Variants in WSCD1 observed in about 807,000 individuals in gnomAD.
WSCD1 encodes WSC domain sialate O sulfotransferase 1.
In WSCD1, 41 loss-of-function variants were observed where a neutral mutation model predicts 60.4. The observed-to-expected ratio is 0.68, with a 90% CI of 0.53 to 0.88. The LOEUF is 0.88. Among genes scored for constraint, WSCD1 ranks in the 40% least tolerant of loss-of-function variants. The pLI, the probability that WSCD1 is intolerant of heterozygous loss-of-function variation, is 0.00. For missense variants in WSCD1, 784 were observed against 796.2 expected (o/e 0.98, Z 0.18); for synonymous variants, 361 against 332.5 (o/e 1.09, Z -0.93).
At chr17:6,071,421 A>G (rs1238018666) in intron 1 of WSCD1, among the ~76,000 whole-genome samples, 2 of 152,078 alleles carry the variant, frequency 1.3e-5, no homozygotes, top group African/African-American at 4.8e-5. Flanking sequence ...CCTTCCGCTG[A>G]GCAGTGGGAA....
Position 6,123,481 on chromosome 17 carries a change from G to T in WSCD1, c.*2820G>T, listed in dbSNP as rs959672930. On this transcript the variant is annotated 3_prime_UTR_variant, in exon 9 of 9. Transcript: ENST00000317744. The stretch of plus-strand genomic sequence containing the variant: ...TGAACATCTTATAATGAAGTCTCTT[G>T]CAGCTAAAATTAGATTTTGAGTGCA... 6.6e-4 allele frequency: 100 copies of T among 152,328 alleles called. No individual in the cohort carries two copies. The highest frequency in any genetic ancestry group is 2.4e-3 in the African/African-American group (99 of 41,578). The allele number at this position is 152,328 out of a possible 1,614,324, so 9.4% of individuals were successfully genotyped here.
intron 2 of WSCD1, among the ~76,000 whole-genome samples, chr17:6,085,460 T>A (rs765648432): frequency 4.7e-4 from 71 of 152,334 alleles, no homozygotes; most frequent in Non-Finnish European, 5.9e-5. Context: ...CTCATGGAAT[T>A]GGAACCGTAT....
upstream of WSCD1, chr17:6,069,435 GA>G (rs1391407221): frequency 5.0e-4 from 59 of 117,172 alleles, no homozygotes; most frequent in African/African-American, 3.2e-3. Flanking sequence ...GTGTGAGAGA[GA>G]GAGAGAGAGA....
At chr17:6,102,843 T>G (rs1210736868) in intron 5 of WSCD1, among the ~76,000 whole-genome samples, 1 of 152,218 alleles carries the variant, frequency 6.6e-6, no homozygotes, top group African/African-American at 2.4e-5. Flanking sequence ...TTTTCCTTAT[T>G]GCTGTTATAA....
rs892821266 is a variant in WSCD1 at position 6,109,520 on chromosome 17, C to T, written c.850-87C>T. The T allele has an allele frequency of 2.4e-5, 37 of 1,523,486 alleles. 1 individual carries two copies. The highest frequency in any genetic ancestry group is 2.0e-4 in the East Asian group (9 of 43,948). 94.4% of individuals were successfully genotyped at this position (1,523,486 alleles called of 1,614,324 possible). ...CATACAGATACAGCTGGCAATACAT[C>T]GTCCATGTTCATCCCATTCCTGAGC... On this transcript the variant is annotated intron_variant, in intron 5 of 8. Coordinates refer to ENST00000317744, the MANE Select transcript of WSCD1 (RefSeq NM_015253.2).
Position 6,120,413 on chromosome 17 carries a change from C to T in WSCD1, c.1480C>T (p.Arg494Trp), listed in dbSNP as rs779121671. ...GCTGGTGGTGCACTACGAGGAGCTG[C>T]GGCGCAGCCTGGTGCCCACGTTACG... ...RLLVVHYEEL[R>W]RSLVPTLREM... The change falls in exon 9 of 9, where the codon CGG (arginine) becomes TGG (tryptophan). Residue 494 changes from arginine (R) to tryptophan (W), a missense_variant. Coordinates refer to ENST00000317744, the MANE Select transcript of WSCD1 (RefSeq NM_015253.2). 112 of 1,613,944 alleles carry T rather than the reference C, an allele frequency of 6.9e-5. No individual in the cohort carries two copies. The South Asian group carries it at 8.2e-4, about 12-fold the overall frequency.
intron 5 of WSCD1, among the ~76,000 whole-genome samples, chr17:6,108,909 T>C (rs896553028): frequency 6.6e-6 from 1 of 152,186 alleles, no homozygotes; most frequent in African/African-American, 2.4e-5. Flanking sequence ...TGAAGAATCC[T>C]CCTTGGGCTG....
chr17:6,097,536 CG>C (rs1910521274), intron 5 of WSCD1, among the ~76,000 whole-genome samples: 1 of 152,234 alleles, frequency 6.6e-6, no homozygotes, highest in Admixed American at 6.5e-5. Context: ...GATTGTCTCA[CG>C]TCGCGACACA....
chr17:6,087,595 G>A (rs550484277), intron 2 of WSCD1, among the ~76,000 whole-genome samples: 2 of 152,188 alleles, frequency 1.3e-5, no homozygotes, highest in Non-Finnish European at 2.9e-5. Context: ...GTCTCTCAGG[G>A]CATTTGCCAA....
intron 5 of WSCD1, among the ~76,000 whole-genome samples, chr17:6,099,489 T>G (rs1490938405): frequency 6.6e-6 from 1 of 151,364 alleles, no homozygotes; most frequent in Non-Finnish European, 1.5e-5. Context: ...CGCTCCAGCC[T>G]GGGCGACAGA....
At chr17:6,116,400 TCA>T (rs33955613) in intron 7 of WSCD1, among the ~76,000 whole-genome samples, 49,256 of 150,344 alleles carry the variant, frequency 0.33, 8,208 homozygotes, top group Non-Finnish European at 0.36. Flanking sequence ...GACAGAGTGA[TCA>T]CACACACACA....
intron 4 of WSCD1, among the ~76,000 whole-genome samples, chr17:6,092,764 G>A (rs955941720): frequency 2.0e-5 from 3 of 152,316 alleles, no homozygotes; most frequent in Non-Finnish European, 2.9e-5. Context: ...AAAGGCAGTT[G>A]TTTTGCTTTA....
In WSCD1 at chr17:6,120,943, C is replaced by T. The variant is rs1426218849; in HGVS notation, c.*282C>T. 1.1e-5 allele frequency: 5 copies of T among 469,248 alleles called. No individual in the cohort carries two copies. The highest frequency in any genetic ancestry group is 5.8e-5 in the African/African-American group (3 of 51,438). The allele number at this position is 469,248 out of a possible 1,614,324, so 29.1% of individuals were successfully genotyped here. ...CGTCTTGATGCAGAGAAGCCACCCA[C>T]GTGGGGTGTGCCAGGCACCCCCAGA... On this transcript the variant is annotated 3_prime_UTR_variant, in exon 9 of 9. Transcript: ENST00000317744.
chr17:6,091,638 C>G (rs779342318), intron 4 of WSCD1, among the ~76,000 whole-genome samples: 4 of 152,214 alleles, frequency 2.6e-5, no homozygotes, highest in Admixed American at 2.6e-4. Context: ...GGGCTGTGCA[C>G]TGTTGCACAT....
chr17:6,087,901 C>A, intron 2 of WSCD1, 89 bp from the exon 3 acceptor site: 2 of 1,082,792 alleles, frequency 1.8e-6, no homozygotes, highest in Non-Finnish European at 2.8e-6. Context: ...GTGGCCTTGG[C>A]CAGGAAGGCA....
chr17:6,110,674 G>T lies in WSCD1; in HGVS notation c.1010-97G>T. On this transcript the variant is annotated intron_variant, in intron 6 of 8. Transcript: ENST00000317744. This position sits in a 1 kb window ranked among gnomAD's most constrained non-coding sequence, Gnocchi z 4.8. ...CCTTGGTTCCCCCATCTATTAAATG[G>T]GAGTCTTCGTTCATCAGTTCCTCTA... 7.0e-7 allele frequency: 1 copy of T among 1,437,616 alleles called. No homozygotes were observed. The highest frequency in any genetic ancestry group is 1.4e-5 in the South Asian group (1 of 70,678). The allele number at this position is 1,437,616 out of a possible 1,614,324, so 89.1% of individuals were successfully genotyped here.
chr17:6,114,218 C>T (rs1911575575), intron 7 of WSCD1, among the ~76,000 whole-genome samples: 2 of 148,720 alleles, frequency 1.3e-5, no homozygotes, highest in South Asian at 4.3e-4. Context: ...GCCTAAGGGA[C>T]ATTATGTTAA....
intron 5 of WSCD1, among the ~76,000 whole-genome samples, chr17:6,099,505 ACT>A (rs1366374693): frequency 7.3e-5 from 11 of 149,938 alleles, no homozygotes; most frequent in Admixed American, 7.3e-4. Context: ...ACAGAGCAAG[ACT>A]CTGTCTCAAA....
Position 6,080,909 on chromosome 17 carries a change from G to T in WSCD1, c.251G>T (p.Gly84Val), listed in dbSNP as rs761415118. The T allele has an allele frequency of 5.0e-6, 8 of 1,596,656 alleles. No homozygotes were observed. Among genetic ancestry groups the T allele is most frequent in the Non-Finnish European group, 6.8e-6 (8 of 1,175,938 alleles). ...DPRVSPELLL[G>V]VDMLQSPLTR... The stretch of plus-strand genomic sequence containing the variant: ...CGAGTCAGCCCAGAGCTGCTGCTGG[G>T]TGTGGACATGCTGCAGAGCCCCCTG... The change falls in exon 2 of 9, where the codon GGT becomes GTT. Residue 84 changes from glycine to valine, a missense_variant. Transcript: ENST00000317744. The surrounding 1 kb of genome is among the most constrained non-coding windows in gnomAD (Gnocchi z 6.6).
Sources: gnomAD v4.1 joint callset for allele counts (sites outside exome capture counted in the v4.1 genomes callset) on GRCh38, gnomAD v4.1.1 for gene constraint, Gnocchi (gnomAD v3.1) non-coding constraint, MANE v1.5 for transcripts, NCBI Gene and HGNC (gene_info 2026-07-23, HGNC 2026-07-21) for gene names.